Variants in CADPS2 observed in about 807,000 individuals in gnomAD.
The protein encoded by CADPS2 is calcium-dependent secretion activator 2.
Under a neutral mutation model 172.5 loss-of-function variants are expected in CADPS2, and 93 were observed. The ratio of observed to expected loss-of-function variants is 0.54; its 90% CI spans 0.46 to 0.64. CADPS2 has a LOEUF of 0.64. CADPS2 is among the 30% of genes least tolerant of loss of function. The pLI is 0.00. For synonymous variants in CADPS2, 546 were observed against 555.2 expected (o/e 0.98, Z 0.23); for missense variants, 1,420 against 1,565.9 (o/e 0.91, Z 1.57).
chr7:122,654,154 G>C (rs1015356130), intron 3 of CADPS2, among the ~76,000 whole-genome samples: 1 of 152,176 alleles, frequency 6.6e-6, no homozygotes, highest in Non-Finnish European at 1.5e-5. Context: ...GAAGCTAGGA[G>C]AAGTTGGTTC....
At chr7:122,424,210 A>T in intron 17 of CADPS2, 1 of 448,638 alleles carries the variant, frequency 2.2e-6, no homozygotes, top group Non-Finnish European at 2.9e-6. Context: ...AACTCATTTA[A>T]TGACCCTGCC....
intron 1 of CADPS2, among the ~76,000 whole-genome samples, chr7:122,762,338 A>G (rs1224041635): frequency 6.6e-6 from 1 of 152,150 alleles, no homozygotes; most frequent in Non-Finnish European, 1.5e-5. Context: ...GCAAGTCATT[A>G]ACAAATAATT....
chr7:122,557,904 T>G (rs1362712295), intron 7 of CADPS2, among the ~76,000 whole-genome samples: 1 of 152,130 alleles, frequency 6.6e-6, no homozygotes, highest in Non-Finnish European at 1.5e-5. Context: ...TGTGTCACCT[T>G]GGGAAAAGGT....
At chr7:122,699,535 G>A (rs988924653) in intron 2 of CADPS2, among the ~76,000 whole-genome samples, 2 of 152,198 alleles carry the variant, frequency 1.3e-5, no homozygotes, top group African/African-American at 2.4e-5. Flanking sequence ...AAAAGTAAAA[G>A]TCACACTGCT....
intron 19 of CADPS2, 49 bp downstream of exon 19, chr7:122,414,019 T>A (rs779744269): frequency 6.7e-7 from 1 of 1,483,498 alleles, no homozygotes. Context: ...TAAATTCACA[T>A]AAAAGAGGTA....
intron 9 of CADPS2, among the ~76,000 whole-genome samples, chr7:122,496,178 T>C (rs1214136418): frequency 3.3e-5 from 5 of 152,132 alleles, no homozygotes; most frequent in Non-Finnish European, 1.5e-5. Flanking sequence ...TATTTATTTA[T>C]TGAGACAGAG....
chr7:122,344,358 A>G (rs1485436006), intron 28 of CADPS2, among the ~76,000 whole-genome samples: 2 of 146,092 alleles, frequency 1.4e-5, no homozygotes, highest in Non-Finnish European at 2.9e-5. Flanking sequence ...GCAAAGTATC[A>G]TTTCCTTTGA....
chr7:122,388,639 G>A lies in CADPS2; in HGVS notation c.3108C>T (p.His1036=), dbSNP rs1175790752. The A allele has an allele frequency of 3.1e-6, 5 of 1,610,452 alleles. No individual in the cohort carries two copies. In the East Asian group the frequency reaches 8.9e-5, roughly 29 times the overall value. ...LHWPEQEFAH[H]LEQRLKLMAS... ...CCATTAGTTTAAGTCTTTGCTCTAA[G>A]TGGTGGGCAAATTCCTGTTCTGGCC... The change falls in exon 23 of 30, where the codon CAC becomes CAT. Residue 1036 remains histidine, a synonymous_variant. Coordinates refer to ENST00000449022, the MANE Select transcript of CADPS2 (RefSeq NM_017954.11).
At chr7:122,681,018 C>G (rs2082966985) in intron 2 of CADPS2, among the ~76,000 whole-genome samples, 1 of 150,864 alleles carries the variant, frequency 6.6e-6, no homozygotes, top group Admixed American at 6.6e-5. Context: ...TCTCAGTAAA[C>G]TATCGCAAGA....
chr7:122,857,586 G>A (rs937931458), intron 1 of CADPS2, among the ~76,000 whole-genome samples: 1 of 152,134 alleles, frequency 6.6e-6, no homozygotes, highest in African/African-American at 2.4e-5. Context: ...TGTGCATTCA[G>A]AATTCCAATT....
chr7:122,560,450 C>T (rs1381855594), intron 7 of CADPS2, among the ~76,000 whole-genome samples: 1 of 152,030 alleles, frequency 6.6e-6, no homozygotes, highest in Non-Finnish European at 1.5e-5. Context: ...GAATAATTCC[C>T]CTCTCTCTAG....
At chr7:122,480,297 AT>A (rs11446267) in intron 12 of CADPS2, among the ~76,000 whole-genome samples, 1,926 of 150,752 alleles carry the variant, frequency 0.013, 12 homozygotes, top group Middle Eastern at 0.024. Flanking sequence ...AGATTTTATA[AT>A]TTTTTTTTTA....
At chr7:122,541,440 A>G (rs1279253567) in intron 8 of CADPS2, among the ~76,000 whole-genome samples, 1 of 146,882 alleles carries the variant, frequency 6.8e-6, no homozygotes, top group Non-Finnish European at 1.5e-5. Context: ...TCCTGGCCTC[A>G]GGTGATCCGC....
chr7:122,666,350 T>TTC (rs1380854434), intron 2 of CADPS2, among the ~76,000 whole-genome samples: 1 of 150,684 alleles, frequency 6.6e-6, no homozygotes, highest in Non-Finnish European at 1.5e-5. Flanking sequence ...CTAACACTTT[T>TTC]TTTTTTTTTT....
At chr7:122,773,037 A>G (rs986839877) in intron 1 of CADPS2, among the ~76,000 whole-genome samples, 1 of 152,134 alleles carries the variant, frequency 6.6e-6, no homozygotes, top group African/African-American at 2.4e-5. Context: ...TAACTTTATT[A>G]GAGTTAGATC....
At chr7:122,611,019 T>C (rs761923332) in intron 6 of CADPS2, among the ~76,000 whole-genome samples, 2 of 152,194 alleles carry the variant, frequency 1.3e-5, no homozygotes, top group South Asian at 2.1e-4. Context: ...CCTTGATGAA[T>C]GAAAATGAAG....
chr7:122,679,606 T>C (rs569195345), intron 2 of CADPS2, among the ~76,000 whole-genome samples: 1 of 152,248 alleles, frequency 6.6e-6, no homozygotes, highest in African/African-American at 2.4e-5. Flanking sequence ...CCACACCCTA[T>C]TCGTATACTC....
At position 122,407,669 on chromosome 7, in the gene CADPS2, C is replaced by A; in HGVS notation, c.2617G>T (p.Ala873Ser). The change falls in exon 20 of 30, where the codon GCT becomes TCT. Residue 873 changes from alanine to serine, a missense_variant. By Grantham distance (99) the Ala-to-Ser change is moderately conservative (BLOSUM62 1). Transcript: ENST00000449022. ...EAFAWWPDLL[A>S]EHAEKFWALF... ...GCCCAAAATTTCTCTGCATGTTCAG[C>A]CAATAAATCAGGCCACCAGGCAAAT... The A allele has an allele frequency of 6.2e-7, 1 of 1,610,746 alleles. No homozygotes were observed. Among genetic ancestry groups the A allele is most frequent in the Non-Finnish European group, 8.5e-7 (1 of 1,178,410 alleles).
chr7:122,702,772 G>A (rs1340426398), intron 2 of CADPS2: 1 of 1,523,940 alleles, frequency 6.6e-7, no homozygotes, highest in Non-Finnish European at 8.9e-7. Context: ...TCTATTAAGA[G>A]ACAAACATGA....
Sources: allele counts gnomAD v4.1 joint callset (sites outside exome capture counted in the v4.1 genomes callset), GRCh38; gene constraint gnomAD v4.1.1; transcripts MANE v1.5; gene names NCBI Gene and HGNC (gene_info 2026-07-23, HGNC 2026-07-21).